MTOR: variants seen among roughly 807,000 people sequenced by gnomAD.
MTOR encodes mechanistic target of rapamycin kinase, also known as serine/threonine-protein kinase mTOR.
Under a neutral mutation model 319.8 loss-of-function variants are expected in MTOR, and 70 were observed. The ratio of observed to expected loss-of-function variants is 0.22; its 90% CI spans 0.18 to 0.27. The LOEUF (loss-of-function observed/expected upper bound fraction) is 0.27, where lower values mean the gene tolerates loss of function less well. Ranked by LOEUF, MTOR falls within the 10% of genes least tolerant of loss-of-function variation. The probability of loss-of-function intolerance (pLI) is 1.00; values close to 1 mark genes in which losing one functional copy is unlikely to be tolerated. For synonymous variants in MTOR, 1,183 were observed against 1,211.4 expected (o/e 0.98, Z 0.49); for missense variants, 1,890 against 3,274.4 (o/e 0.58, Z 10.32).
intron 30 of MTOR, among the ~76,000 whole-genome samples, chr1:11,155,682 T>C (rs1644294363): frequency 6.6e-6 from 1 of 152,218 alleles, no homozygotes; most frequent in Non-Finnish European, 1.5e-5. Context: ...TCCCGGTATC[T>C]TCCAAGGCTG....
intron 19 of MTOR, among the ~76,000 whole-genome samples, chr1:11,220,006 C>G (rs1309780919): frequency 7.3e-6 from 1 of 136,380 alleles, no homozygotes; most frequent in African/African-American, 2.7e-5. Context: ...GCATTCCGGC[C>G]TGGCAGCAGA....
At chr1:11,139,208 C>T in intron 36 of MTOR, 96 bp downstream of exon 36, 1 of 1,484,940 alleles carries the variant, frequency 6.7e-7, no homozygotes, top group Non-Finnish European at 9.0e-7. Flanking sequence ...GTGGTTTAAA[C>T]ACTGTTTCTT....
chr1:11,128,957 A>G lies in MTOR; in HGVS notation c.5715-6T>C. 1 of 1,611,108 alleles carries G rather than the reference A, an allele frequency of 6.2e-7. No individual in the cohort carries two copies. ...CAAACCATAAGGTGAGAACTCTGAAAAAGAAATGAGAAAGTCACAGAAAAT... is the reference window on the plus strand; with the variant it reads ...CAAACCATAAGGTGAGAACTCTGAAGAAGAAATGAGAAAGTCACAGAAAAT... On this transcript the variant is annotated splice_polypyrimidine_tract_variant and splice_region_variant and intron_variant, in intron 40 of 57. Transcript: ENST00000361445. This position sits in a 1 kb window ranked among gnomAD's most constrained non-coding sequence, Gnocchi z 5.3.
chr1:11,230,543 C>T (rs543145686), intron 18 of MTOR, among the ~76,000 whole-genome samples: 42 of 152,278 alleles, frequency 2.8e-4, no homozygotes, highest in African/African-American at 8.9e-4. Context: ...TCAATTAAAA[C>T]AGGAAGAATC....
chr1:11,112,918 C>A lies in MTOR; in HGVS notation c.7301-1G>T, dbSNP rs1247005024. 1.9e-6 allele frequency: 3 copies of A among 1,613,870 alleles called. No individual in the cohort carries two copies. The South Asian group carries it at 3.3e-5, about 18-fold the overall frequency. ...GATCGCTTGTTGCCTTTGGTATTTG[C>A]TAGGGAGAGAAATAAAGAGTATTGA... On this transcript the variant is annotated splice_acceptor_variant, in intron 53 of 57. Coordinates refer to ENST00000361445, the MANE Select transcript of MTOR (RefSeq NM_004958.4). LOFTEE classifies it high-confidence loss of function.
intron 49 of MTOR, among the ~76,000 whole-genome samples, chr1:11,118,934 G>A (rs1310710506): frequency 1.3e-5 from 2 of 151,850 alleles, no homozygotes; most frequent in East Asian, 3.9e-4. Context: ...GCCCATAGGT[G>A]TGGTCTTAAT....
intron 31 of MTOR, among the ~76,000 whole-genome samples, chr1:11,148,867 C>T (rs1644037166): frequency 1.3e-5 from 2 of 151,626 alleles, no homozygotes; most frequent in Non-Finnish European, 1.5e-5. Context: ...CACTGCACTC[C>T]AGCCTGGGTG....
intron 31 of MTOR, among the ~76,000 whole-genome samples, chr1:11,147,202 C>T (rs753604941): frequency 2.0e-5 from 3 of 152,196 alleles, no homozygotes; most frequent in Non-Finnish European, 4.4e-5. Flanking sequence ...TGGGAAATTA[C>T]ATTTTCCTCC....
intron 33 of MTOR, 32 bp downstream of exon 33, chr1:11,144,936 A>C (rs1194612665): frequency 6.2e-7 from 1 of 1,609,750 alleles, no homozygotes; most frequent in East Asian, 2.2e-5. Context: ...TAAGCCTCAA[A>C]AATGACAATG....
chr1:11,228,657 G>C lies in MTOR; in HGVS notation c.3030+11C>G, dbSNP rs754278836. On this transcript the variant is annotated intron_variant, in intron 19 of 57. Coordinates refer to ENST00000361445, the MANE Select transcript of MTOR (RefSeq NM_004958.4). ...AGGAGAAAGAGAAGGATTGGGGTTT[G>C]AGGTACTTACTTCCCGGATGGCCCC... 3.1e-6 allele frequency: 5 copies of C among 1,612,896 alleles called. No homozygotes were observed. In the Admixed American group the frequency reaches 8.3e-5, roughly 27 times the overall value.
At chr1:11,126,246 GAA>G (rs770852419) in intron 46 of MTOR, among the ~76,000 whole-genome samples, 40 of 148,656 alleles carry the variant, frequency 2.7e-4, no homozygotes, top group African/African-American at 7.6e-5. Flanking sequence ...AAAAAAAAAA[GAA>G]AAAAATTTCA....
rs2100409575 is a variant in MTOR, at chr1:11,127,814, C to A, written c.6034-8G>T. The A allele has an allele frequency of 6.2e-7, 1 of 1,608,762 alleles. No homozygotes were observed. The highest frequency in any genetic ancestry group is 1.3e-5 in the African/African-American group (1 of 74,774). On this transcript the variant is annotated splice_polypyrimidine_tract_variant and splice_region_variant and intron_variant, in intron 43 of 57. Coordinates refer to ENST00000361445, the MANE Select transcript of MTOR (RefSeq NM_004958.4). This position sits in a 1 kb window ranked among gnomAD's most constrained non-coding sequence, Gnocchi z 5.5. ...GATCAGCTCCTCGCTCACCTGAAGC[C>A]AAGAGAAGAAGGAGAGAAGCATCAA...
In MTOR at chr1:11,238,557, T is replaced by C; in HGVS notation, c.1847A>G (p.Lys616Arg). The C allele has an allele frequency of 1.2e-6, 2 of 1,614,204 alleles. No individual in the cohort carries two copies. Among genetic ancestry groups the C allele is most frequent in the Middle Eastern group, 1.6e-4 (1 of 6,062 alleles). ...CADHFLNSEH[K>R]EIRMEAARTC... is the part of the protein sequence containing the mutation. The stretch of plus-strand genomic sequence containing the variant: ...GCGGGCAGCCTCCATGCGGATCTCC[T>C]TGTGCTCACTGTTCAGGAAATGATC... The change falls in exon 12 of 58, where the codon AAG becomes AGG. Residue 616 changes from lysine (K) to arginine (R), a missense_variant. By Grantham distance (26) the Lys-to-Arg change is conservative. This residue lies in a region of MTOR where 418 missense variants were observed against 543.1 expected (regional missense o/e 0.77). Transcript: ENST00000361445.
intron 54 of MTOR, chr1:11,111,647 CAG>C (rs1364099163): frequency 6.5e-6 from 1 of 154,956 alleles, no homozygotes; most frequent in Non-Finnish European, 1.4e-5. Context: ...GGCTCCACGG[CAG>C]AGTCTCCTGC....
chr1:11,161,358 G>A (rs188935803), intron 29 of MTOR, among the ~76,000 whole-genome samples: 2 of 152,332 alleles, frequency 1.3e-5, no homozygotes, highest in East Asian at 3.9e-4. Context: ...ACCTCTAGGG[G>A]CAGGGCATAG....
rs1192841282 is a variant in MTOR at position 11,146,712 on chromosome 1, C to T, written c.4650G>A (p.Leu1550=). ...AGGAGAAGAGGTCCTGATGCAGTGC[C>T]AGCACAGCTCTATAAAATGCCCCAT... ...THDGAFYRAV[L]ALHQDLFSLA... Residue 1550 remains leucine, a synonymous_variant, in exon 32 of 58, where the codon CTG becomes CTA. Transcript: ENST00000361445. 1 of 1,614,096 alleles carries T rather than the reference C, an allele frequency of 6.2e-7. No individual in the cohort carries two copies. Among genetic ancestry groups the T allele is most frequent in the Non-Finnish European group, 8.5e-7 (1 of 1,180,012 alleles).
At chr1:11,231,457 T>C (rs1170192814) in intron 16 of MTOR, 23 bp from the exon 17 acceptor site, 1 of 1,613,268 alleles carries the variant, frequency 6.2e-7, no homozygotes, top group East Asian at 2.2e-5. Context: ...AAGAACACGA[T>C]TCAATGAGCC....
At chr1:11,125,627 G>A (rs1349946726) in intron 46 of MTOR, among the ~76,000 whole-genome samples, 3 of 151,576 alleles carry the variant, frequency 2.0e-5, no homozygotes, top group African/African-American at 7.3e-5. Context: ...CTATTAGGGA[G>A]GCTGAGGCAC....
intron 6 of MTOR, among the ~76,000 whole-genome samples, chr1:11,249,407 C>CTTTATTTA (rs139501937): frequency 6.6e-6 from 1 of 150,730 alleles, no homozygotes; most frequent in Non-Finnish European, 1.5e-5. Context: ...AACACTCCAT[C>CTTTATTTA]TTTATTTATT....
Sources: allele counts gnomAD v4.1 joint callset (sites outside exome capture counted in the v4.1 genomes callset), GRCh38; gene constraint gnomAD v4.1.1; regional missense constraint gnomAD v4.1.1; non-coding constraint Gnocchi (gnomAD v3.1); transcripts MANE v1.5; gene names NCBI Gene and HGNC (gene_info 2026-07-23, HGNC 2026-07-21).